SEMA6A: variants seen among roughly 807,000 people sequenced by gnomAD.
The protein encoded by SEMA6A is semaphorin-6A.
In SEMA6A, 25 loss-of-function variants were observed where a neutral mutation model predicts 96.8. The observed-to-expected ratio is 0.26, with a 90% CI of 0.19 to 0.36. SEMA6A has a LOEUF of 0.36. SEMA6A is among the 10% of genes least tolerant of loss of function. The probability of loss-of-function intolerance (pLI) is 1.00; values close to 1 mark genes in which losing one functional copy is unlikely to be tolerated. For missense variants in SEMA6A, 1,363 were observed against 1,323.1 expected, an observed-to-expected ratio of 1.03 and a Z score of -0.47; for synonymous variants, 612 against 518.0, an observed-to-expected ratio of 1.18 and a Z score of -2.46.
chr5:116,481,174 C>T (rs1332469267), intron 11 of SEMA6A, among the ~76,000 whole-genome samples: 1 of 152,240 alleles, frequency 6.6e-6, no homozygotes, highest in Non-Finnish European at 1.5e-5. Context: ...ATTAAACTCA[C>T]TGCCATTAGT....
At chr5:116,469,165 T>C (rs1348891602) in intron 17 of SEMA6A, 11 of 152,202 alleles carry the variant, frequency 7.2e-5, no homozygotes, top group Admixed American at 7.2e-4. Context: ...TTTGGTAACA[T>C]TGAAGAGGTC....
chr5:116,480,013 A>G lies in SEMA6A; in HGVS notation c.1250+109T>C, dbSNP rs910146952. The G allele has an allele frequency of 1.2e-5, 16 of 1,295,228 alleles. No homozygotes were observed. The African/African-American group carries it at 2.0e-4, about 17-fold the overall frequency. 80.2% of individuals were successfully genotyped at this position (1,295,228 alleles called of 1,614,324 possible). On this transcript the variant is annotated intron_variant, in intron 12 of 18. Transcript: ENST00000343348. ...CCATTTCACAGCTGAATGAATGCCC[A>G]GGATAGCAGAAGATGTTTGTGGCAT...
In SEMA6A at chr5:116,543,248, T is replaced by A. The variant is rs976474350; in HGVS notation, c.-39+30937A>T. On this transcript the variant is annotated intron_variant, in intron 1 of 18. Transcript: ENST00000343348. ...TTTTTGGAAAATTCTTACAAGGCGC[T>A]TGGGTCCAGTAAAACCTCCTCCCCT... 3.3e-5 allele frequency among the ~76,000 whole-genome samples: 5 copies of A among 152,240 alleles called. 1 individual carries two copies. The highest frequency in any genetic ancestry group is 2.0e-4 in the Admixed American group (3 of 15,298).
intron 1 of SEMA6A, among the ~76,000 whole-genome samples, chr5:116,565,163 G>A (rs1261696062): frequency 6.6e-6 from 1 of 152,174 alleles, no homozygotes. Flanking sequence ...CAGCAAGACT[G>A]AGCAAGAGGC....
chr5:116,519,635 T>C (rs761340250), intron 1 of SEMA6A, among the ~76,000 whole-genome samples: 4 of 151,784 alleles, frequency 2.6e-5, no homozygotes, highest in Admixed American at 6.6e-5. Context: ...CTGCAGACTA[T>C]ACATAAGTGG....
intron 1 of SEMA6A, among the ~76,000 whole-genome samples, chr5:116,521,999 G>C (rs1758972761): frequency 6.6e-6 from 1 of 152,138 alleles, no homozygotes; most frequent in Non-Finnish European, 1.5e-5. Context: ...ATAGCTTTGG[G>C]TATTTTTAAA....
chr5:116,542,016 A>G (rs906943697), intron 1 of SEMA6A, among the ~76,000 whole-genome samples: 2 of 152,154 alleles, frequency 1.3e-5, no homozygotes, highest in African/African-American at 4.8e-5. Flanking sequence ...GTGCCCATTC[A>G]TTTTCTTCTC....
Position 116,497,391 on chromosome 5 carries a change from T to A in SEMA6A, c.219-4A>T. ...ATCAACAGTATAAATATGGTCCCTA[T>A]AGGCAAAGAAAAATTAATACAAGGT... On this transcript the variant is annotated splice_polypyrimidine_tract_variant and splice_region_variant and intron_variant, in intron 3 of 18. Coordinates refer to ENST00000343348, the MANE Select transcript of SEMA6A (RefSeq NM_020796.5). The A allele has an allele frequency of 6.4e-7, 1 of 1,574,572 alleles. No homozygotes were observed. Among genetic ancestry groups the A allele is most frequent in the Non-Finnish European group, 8.7e-7 (1 of 1,148,768 alleles).
At chr5:116,484,790 G>A (rs1756968617) in intron 10 of SEMA6A, among the ~76,000 whole-genome samples, 2 of 152,158 alleles carry the variant, frequency 1.3e-5, no homozygotes, top group African/African-American at 4.8e-5. Flanking sequence ...TTGGTCAGGT[G>A]GGCAAATCTC....
intron 12 of SEMA6A, among the ~76,000 whole-genome samples, 162 bp from the exon 13 acceptor site, chr5:116,478,880 T>C (rs1756605713): frequency 6.6e-6 from 1 of 152,116 alleles, no homozygotes; most frequent in Non-Finnish European, 1.5e-5. Context: ...TTTATTTCCA[T>C]TTGCAGAGCA....
intron 6 of SEMA6A, among the ~76,000 whole-genome samples, chr5:116,494,364 A>C (rs1364285024): frequency 1.3e-5 from 2 of 152,062 alleles, no homozygotes; most frequent in African/African-American, 2.4e-5. Flanking sequence ...GTGCTTTACA[A>C]AAATTAATTA....
chr5:116,469,528 G>A (rs1755980221), intron 17 of SEMA6A: 1 of 152,052 alleles, frequency 6.6e-6, no homozygotes, highest in Admixed American at 6.6e-5. Context: ...CCCAGCATAA[G>A]CAAATAATTA....
chr5:116,449,662 G>T (rs1332761806), intron 18 of SEMA6A: 1 of 271,518 alleles, frequency 3.7e-6, no homozygotes, highest in Non-Finnish European at 6.9e-6. Context: ...ATCACAGTTG[G>T]TTGCTGTGGA....
intron 1 of SEMA6A, among the ~76,000 whole-genome samples, chr5:116,523,534 A>G (rs1007183564): frequency 6.6e-6 from 1 of 150,776 alleles, no homozygotes; most frequent in Non-Finnish European, 1.5e-5. Context: ...CCGGTCTCGA[A>G]CTCCTGGGCT....
At chr5:116,494,801 G>A (rs1757503908) in intron 6 of SEMA6A, among the ~76,000 whole-genome samples, 2 of 152,288 alleles carry the variant, frequency 1.3e-5, no homozygotes, top group African/African-American at 2.4e-5. Flanking sequence ...TCAGATCACT[G>A]CCACCTCTGC....
chr5:116,540,721 G>C (rs1382104808), intron 1 of SEMA6A, among the ~76,000 whole-genome samples: 1 of 152,160 alleles, frequency 6.6e-6, no homozygotes, highest in Non-Finnish European at 1.5e-5. Flanking sequence ...AAGAGTGAGA[G>C]AGAGAGGGAA....
At chr5:116,504,702 G>C in intron 2 of SEMA6A, 143 bp downstream of exon 2, 1 of 612,502 alleles carries the variant, frequency 1.6e-6, no homozygotes, top group Non-Finnish European at 2.9e-6. Context: ...AATTTGACTA[G>C]ACTTGAATTA....
chr5:116,464,304 T>C (rs1436398709), intron 18 of SEMA6A, among the ~76,000 whole-genome samples: 1 of 152,140 alleles, frequency 6.6e-6, no homozygotes, highest in Non-Finnish European at 1.5e-5. Flanking sequence ...TCCAGACATC[T>C]AGAGAACCAG....
intron 18 of SEMA6A, among the ~76,000 whole-genome samples, chr5:116,450,527 T>C (rs1167910627): frequency 6.6e-6 from 1 of 152,220 alleles, no homozygotes; most frequent in Non-Finnish European, 1.5e-5. Flanking sequence ...CTCCCAAATA[T>C]CATTCTTCTT....
Sources: allele counts gnomAD v4.1 joint callset (sites outside exome capture counted in the v4.1 genomes callset), GRCh38; gene constraint gnomAD v4.1.1; transcripts MANE v1.5; gene names NCBI Gene and HGNC (gene_info 2026-07-23, HGNC 2026-07-21).